The following GRK5 variants were observed in gnomAD, a reference collection of about 807,000 sequenced individuals.
The protein encoded by GRK5 is g protein-coupled receptor kinase GRK5.
Under a neutral mutation model 78.4 loss-of-function variants are expected in GRK5, and 40 were observed. That is an observed-to-expected ratio of 0.51 (90% CI 0.40 to 0.66). The LOEUF (loss-of-function observed/expected upper bound fraction) is 0.66, where lower values mean the gene tolerates loss of function less well. GRK5 is among the 30% of genes least tolerant of loss of function. The probability of loss-of-function intolerance (pLI) is 0.00; values close to 1 mark genes in which losing one functional copy is unlikely to be tolerated. For synonymous variants in GRK5, 289 were observed against 296.8 expected, an observed-to-expected ratio of 0.97 and a Z score of 0.27; for missense variants, 598 against 759.9, an observed-to-expected ratio of 0.79 and a Z score of 2.50.
At chr10:119,335,506 G>T in intron 2 of GRK5, among the ~76,000 whole-genome samples, 1 of 152,168 alleles carries the variant, frequency 6.6e-6, no homozygotes, top group East Asian at 1.9e-4. Flanking sequence ...TGGGACTACA[G>T]GTACCTGCCA....
At chr10:119,236,212 C>G (rs932625664) in intron 1 of GRK5, among the ~76,000 whole-genome samples, 3 of 152,058 alleles carry the variant, frequency 2.0e-5, no homozygotes, top group Non-Finnish European at 2.9e-5. Context: ...GACCTACACA[C>G]TATTTTTTTT....
intron 1 of GRK5, among the ~76,000 whole-genome samples, chr10:119,298,661 G>T (rs1850123457): frequency 6.6e-6 from 1 of 151,960 alleles, no homozygotes; most frequent in African/African-American, 2.4e-5. Context: ...GTTATCAAGA[G>T]TGGTCAGATC....
chr10:119,344,460 G>A (rs1214436712), intron 2 of GRK5, among the ~76,000 whole-genome samples: 1 of 152,212 alleles, frequency 6.6e-6, no homozygotes, highest in Non-Finnish European at 1.5e-5. Context: ...ATAGTTCAGA[G>A]TAGGTTTTTC....
chr10:119,407,236 A>G (rs1183765236), intron 4 of GRK5, among the ~76,000 whole-genome samples: 5 of 152,020 alleles, frequency 3.3e-5, no homozygotes, highest in Admixed American at 2.6e-4. Context: ...GCTGAGCTAA[A>G]CTCCTCATTT....
intron 1 of GRK5, among the ~76,000 whole-genome samples, chr10:119,242,835 T>G (rs1010878440): frequency 1.3e-5 from 2 of 152,012 alleles, no homozygotes; most frequent in African/African-American, 2.4e-5. Context: ...CCGCCATGAT[T>G]GTAAGTTTCC....
chr10:119,429,750 T>C (rs1589805945), intron 6 of GRK5, among the ~76,000 whole-genome samples: 1 of 151,910 alleles, frequency 6.6e-6, no homozygotes, highest in Non-Finnish European at 1.5e-5. Context: ...TCCTCAGTGG[T>C]GGAAAGGTTG....
At chr10:119,339,142 C>T (rs776964658) in intron 2 of GRK5, among the ~76,000 whole-genome samples, 4 of 152,196 alleles carry the variant, frequency 2.6e-5, no homozygotes, top group Admixed American at 6.5e-5. Context: ...GTTTGGCGAG[C>T]GGCCTCTGCC....
chr10:119,324,132 C>T (rs1207145273), intron 1 of GRK5, among the ~76,000 whole-genome samples: 1 of 152,230 alleles, frequency 6.6e-6, no homozygotes, highest in African/African-American at 2.4e-5. Flanking sequence ...CCAGCTTTCT[C>T]TTTGATCCTC....
chr10:119,359,410 G>A (rs558677956), intron 2 of GRK5, among the ~76,000 whole-genome samples: 2 of 152,360 alleles, frequency 1.3e-5, no homozygotes, highest in African/African-American at 4.8e-5. Context: ...GCGTGGCCCA[G>A]CAAGGCAGCT....
chr10:119,344,904 TCCTTCCTTC>T (rs1851056608), intron 2 of GRK5, among the ~76,000 whole-genome samples: 1 of 138,366 alleles, frequency 7.2e-6, no homozygotes, highest in Non-Finnish European at 1.6e-5. Context: ...CTTCCTTCCT[TCCTTCCTTC>T]CTTCCTTCCT....
At chr10:119,344,656 G>A (rs1369761369) in intron 2 of GRK5, among the ~76,000 whole-genome samples, 3 of 152,212 alleles carry the variant, frequency 2.0e-5, no homozygotes, top group Non-Finnish European at 4.4e-5. Flanking sequence ...AGATGGGCAT[G>A]AATGTCACAC....
At chr10:119,415,099 A>AG (rs1246157771) in intron 4 of GRK5, among the ~76,000 whole-genome samples, 30 of 149,286 alleles carry the variant, frequency 2.0e-4, no homozygotes, top group Admixed American at 5.3e-4. Flanking sequence ...AAAAAAAAAA[A>AG]AAAAGAAAAA....
rs377215535 is a variant in GRK5 at position 119,217,152 on chromosome 10, A to G, written c.52+9183A>G. On this transcript the variant is annotated intron_variant, in intron 1 of 15. Transcript: ENST00000392870. The surrounding 1 kb of genome is among the most constrained non-coding windows in gnomAD (Gnocchi z 4.1). ...GTAGGGTTTTTAAGTGTAAATACCC[A>G]TGAGGTTGTAATTGTGGAAGAGAAA... Among the ~76,000 whole-genome samples the G allele has an allele frequency of 1.6e-4, 25 of 152,316 alleles. No individual in the cohort carries two copies. In the East Asian group the frequency reaches 4.8e-3, roughly 29 times the overall value.
chr10:119,235,824 A>G (rs1848915532), intron 1 of GRK5, among the ~76,000 whole-genome samples: 2 of 152,180 alleles, frequency 1.3e-5, no homozygotes. Context: ...TAGGTGCTCA[A>G]TAAGTACTTT....
At chr10:119,441,350 C>T (rs1488432449) in intron 10 of GRK5, among the ~76,000 whole-genome samples, 1 of 152,136 alleles carries the variant, frequency 6.6e-6, no homozygotes, top group Non-Finnish European at 1.5e-5. Flanking sequence ...GGGACGTGTT[C>T]CTTCCTGTGG....
chr10:119,207,749 G>A lies in GRK5; in HGVS notation c.-169G>A, dbSNP rs1333360337. ...GCGGCGGCGGCTCCTCTTTGCAGAG[G>A]GGGAAACTCTTGGGCTGAGAGCAGG... is the stretch of plus-strand genomic sequence containing the variant. On this transcript the variant is annotated 5_prime_UTR_variant, in exon 1 of 16. Transcript: ENST00000392870. The A allele has an allele frequency of 3.7e-5, 24 of 642,724 alleles. No individual in the cohort carries two copies. In the Admixed American group the frequency reaches 6.0e-4, roughly 16 times the overall value. The allele number at this position is 642,724 out of a possible 1,614,324, so 39.8% of individuals were successfully genotyped here. A position where few individuals can be genotyped will look rare whatever the true frequency, so the allele number is the denominator to read the frequency against.
chr10:119,333,576 C>T (rs559392218), intron 2 of GRK5: 64 of 349,216 alleles, frequency 1.8e-4, no homozygotes, highest in African/African-American at 1.3e-3. Context: ...TGACACCTTG[C>T]AACTCCCCAT....
At chr10:119,259,894 T>A (rs1332668555) in intron 1 of GRK5, among the ~76,000 whole-genome samples, 3 of 152,234 alleles carry the variant, frequency 2.0e-5, no homozygotes, top group African/African-American at 7.2e-5. Context: ...CGATTATGAA[T>A]AAAGCCACTA....
chr10:119,311,972 G>T (rs965574552), intron 1 of GRK5, among the ~76,000 whole-genome samples: 1 of 145,814 alleles, frequency 6.9e-6, no homozygotes, highest in African/African-American at 2.5e-5. Context: ...CTGGAGTAGA[G>T]TGGCGCGATC....
Sources: gnomAD v4.1 joint callset for allele counts (sites outside exome capture counted in the v4.1 genomes callset) on GRCh38, gnomAD v4.1.1 for gene constraint, Gnocchi (gnomAD v3.1) non-coding constraint, MANE v1.5 for transcripts, NCBI Gene and HGNC (gene_info 2026-07-23, HGNC 2026-07-21) for gene names.